Variants in MYOCOS observed in about 807,000 individuals in gnomAD.
The protein encoded by MYOCOS is myocilin opposite strand.
rs1459944003 is a variant in MYOCOS, at chr1:171,626,529, C to T, written c.171C>T (p.Pro57=). The T allele has an allele frequency of 2.5e-6, 1 of 398,548 alleles. No individual in the cohort carries two copies. Among genetic ancestry groups the T allele is most frequent in the Non-Finnish European group, 4.4e-6 (1 of 226,078 alleles). 24.7% of individuals were successfully genotyped at this position (398,548 alleles called of 1,614,324 possible). The change falls in exon 3 of 3, where the codon CCC becomes CCT. Residue 57 remains proline (P), a synonymous_variant. Coordinates refer to ENST00000637642, the MANE Select transcript of MYOCOS (RefSeq NM_001391940.1). ...LSHLDLEQAP[P]PHRTYLTVPP... ...ACTTGGATTTGGAGCAAGCCCCTCCCCCTCACAGGACCTACCTCACAGTAC... is the reference window on the plus strand; with the variant it reads ...ACTTGGATTTGGAGCAAGCCCCTCCTCCTCACAGGACCTACCTCACAGTAC...
intron 1 of MYOCOS, among the ~76,000 whole-genome samples, chr1:171,622,851 A>C (rs904601307): frequency 1.3e-5 from 2 of 152,174 alleles, no homozygotes; most frequent in Non-Finnish European, 2.9e-5. Context: ...AAAGCTACCT[A>C]ATTTCTCTAC....
intron 1 of MYOCOS, among the ~76,000 whole-genome samples, chr1:171,609,550 G>C (rs1416072472): frequency 3.3e-5 from 5 of 152,192 alleles, no homozygotes; most frequent in African/African-American, 7.2e-5. Context: ...GAATGATGGT[G>C]AGACACTTAT....
At chr1:171,602,724 G>A (rs1404830883) in intron 1 of MYOCOS, among the ~76,000 whole-genome samples, 6 of 152,046 alleles carry the variant, frequency 3.9e-5, no homozygotes, top group Admixed American at 1.3e-4. Context: ...TTTAACTTAC[G>A]TGGTATAAAA....
chr1:171,622,861 C>T (rs184614764), intron 1 of MYOCOS, among the ~76,000 whole-genome samples: 1 of 152,326 alleles, frequency 6.6e-6, no homozygotes, highest in East Asian at 1.9e-4. Flanking sequence ...AATTTCTCTA[C>T]TGCTCAGTTT....
At chr1:171,624,593 C>A (rs959474457) in intron 2 of MYOCOS, among the ~76,000 whole-genome samples, 4 of 152,006 alleles carry the variant, frequency 2.6e-5, no homozygotes, top group African/African-American at 9.7e-5. Context: ...CCCGCCACGA[C>A]GCCCGGCTAA....
chr1:171,612,438 CA>C (rs1331198533), intron 1 of MYOCOS, among the ~76,000 whole-genome samples: 1 of 152,048 alleles, frequency 6.6e-6, no homozygotes, highest in Non-Finnish European at 1.5e-5. Flanking sequence ...CATCACATGA[CA>C]TTTTTTTTAC....
chr1:171,603,023 C>G (rs1652171969), intron 1 of MYOCOS, among the ~76,000 whole-genome samples: 1 of 152,190 alleles, frequency 6.6e-6, no homozygotes, highest in Non-Finnish European at 1.5e-5. Flanking sequence ...CTCCAGTCCA[C>G]CAGGCGTGGG....
chr1:171,616,492 G>A (rs532368308), intron 2 of MYOCOS, among the ~76,000 whole-genome samples: 1 of 152,186 alleles, frequency 6.6e-6, no homozygotes, highest in East Asian at 1.9e-4. Flanking sequence ...AGTGAGCCGA[G>A]ACCATGCCAT....
At chr1:171,601,748 C>G (rs1652146007) in intron 1 of MYOCOS, among the ~76,000 whole-genome samples, 2 of 152,112 alleles carry the variant, frequency 1.3e-5, no homozygotes, top group South Asian at 2.1e-4. Flanking sequence ...TAGACAGTTA[C>G]AGCTGGTTTT....
In MYOCOS at chr1:171,614,054, T is replaced by C. The variant is rs941646509; in HGVS notation, c.-251-744T>C. On this transcript the variant is annotated intron_variant, in intron 1 of 3. Coordinates refer to the MYOCOS transcript ENST00000636697. Reference sequence around the variant, plus strand: ...TGAATCTCTCAAAATCTTGAGATAATGCACCTGCCAATTTATTCCCTTCCA... The same window carrying C: ...TGAATCTCTCAAAATCTTGAGATAACGCACCTGCCAATTTATTCCCTTCCA... 3.9e-5 allele frequency among the ~76,000 whole-genome samples: 6 copies of C among 152,242 alleles called. No homozygotes were observed. The South Asian group carries it at 1.0e-3, about 26-fold the overall frequency.
upstream of MYOCOS, among the ~76,000 whole-genome samples, chr1:171,621,064 G>T (rs574161002): frequency 1.3e-5 from 2 of 152,026 alleles, no homozygotes; most frequent in East Asian, 3.9e-4. Context: ...CACCGTGCCC[G>T]GCCTACCAAT....
intron 1 of MYOCOS, chr1:171,603,976 T>G (rs1030438177): frequency 1.3e-5 from 2 of 152,156 alleles, no homozygotes; most frequent in Non-Finnish European, 2.9e-5. Flanking sequence ...TACCAAAGCT[T>G]GCTCTGTGAA....
intron 1 of MYOCOS, among the ~76,000 whole-genome samples, chr1:171,612,344 G>T (rs1040508947): frequency 4.6e-5 from 7 of 151,642 alleles, no homozygotes; most frequent in Non-Finnish European, 1.0e-4. Context: ...CTCCCAAAGT[G>T]CTGGGATTAC....
chr1:171,624,459 T>TATTATTATTATTATTATA (rs986693101), intron 2 of MYOCOS, among the ~76,000 whole-genome samples: 2 of 143,998 alleles, frequency 1.4e-5, no homozygotes, highest in African/African-American at 5.2e-5. Context: ...TTATTATTAT[T>TATTATTATTATTATTATA]ATATTGAGAC....
intron 2 of MYOCOS, among the ~76,000 whole-genome samples, chr1:171,616,963 T>C (rs759535757): frequency 2.6e-5 from 4 of 152,196 alleles, no homozygotes; most frequent in Admixed American, 2.6e-4. Flanking sequence ...TGTACAGGCA[T>C]GCTGGCACCT....
At chr1:171,624,861 G>C (rs937656602) in intron 2 of MYOCOS, among the ~76,000 whole-genome samples, 8 of 152,136 alleles carry the variant, frequency 5.3e-5, no homozygotes, top group African/African-American at 1.9e-4. Flanking sequence ...TGGGATTACA[G>C]ATGAGAGCCA....
In MYOCOS at chr1:171,623,934, C is replaced by T. The variant is rs1652624938; in HGVS notation, c.51C>T (p.Asp17=). Reference sequence around the variant, plus strand: ...ACAGCATTAATCTCCCCTACAAGGACTTGACCTCCGAGGTAACCAGGCGCC... The same window carrying T: ...ACAGCATTAATCTCCCCTACAAGGATTTGACCTCCGAGGTAACCAGGCGCC... The part of the protein sequence containing the change: ...ANNSINLPYK[D]LTSEVTRRRV... The change falls in exon 2 of 3, where the codon GAC becomes GAT. Residue 17 remains aspartate (D), a synonymous_variant. Coordinates refer to ENST00000637642, the MANE Select transcript of MYOCOS (RefSeq NM_001391940.1). The T allele has an allele frequency of 1.3e-5, 5 of 398,486 alleles. No individual in the cohort carries two copies. The highest frequency in any genetic ancestry group is 6.2e-4 in the Middle Eastern group (1 of 1,610). The allele number at this position is 398,486 out of a possible 1,614,324, so 24.7% of individuals were successfully genotyped here.
intron 1 of MYOCOS, among the ~76,000 whole-genome samples, chr1:171,609,820 A>C (rs547765452): frequency 6.6e-6 from 1 of 152,302 alleles, no homozygotes; most frequent in African/African-American, 2.4e-5. Flanking sequence ...TTGTTATTGC[A>C]CAGTTCCTAT....
chr1:171,617,107 G>A (rs912406576), intron 2 of MYOCOS, among the ~76,000 whole-genome samples: 10 of 152,296 alleles, frequency 6.6e-5, no homozygotes, highest in Admixed American at 2.6e-4. Flanking sequence ...TGGCCACACA[G>A]CTGTGTGGGA....
Sources: allele counts gnomAD v4.1 joint callset (sites outside exome capture counted in the v4.1 genomes callset), GRCh38; gene constraint gnomAD v4.1.1; transcripts MANE v1.5; gene names NCBI Gene and HGNC (gene_info 2026-07-23, HGNC 2026-07-21).